CPVL: variants seen among roughly 807,000 people sequenced by gnomAD.
CPVL encodes the protein carboxypeptidase vitellogenic like, also known as probable serine carboxypeptidase CPVL.
Under a neutral mutation model 63.7 loss-of-function variants are expected in CPVL, and 51 were observed. The observed-to-expected ratio is 0.80, with a 90% CI of 0.64 to 1.01. CPVL has a LOEUF of 1.01. Ranked by LOEUF, CPVL falls within the 50% of genes least tolerant of loss-of-function variation. The pLI, the probability that CPVL is intolerant of heterozygous loss-of-function variation, is 0.00. For missense variants in CPVL, 530 were observed against 573.1 expected, an observed-to-expected ratio of 0.92 and a Z score of 0.77; for synonymous variants, 195 against 206.0, an observed-to-expected ratio of 0.95 and a Z score of 0.46.
chr7:29,120,380 C>T (rs544145221), intron 2 of CPVL, among the ~76,000 whole-genome samples: 1 of 152,016 alleles, frequency 6.6e-6, no homozygotes, highest in East Asian at 1.9e-4. Context: ...AGAGATTGCG[C>T]CACCGCACTC....
At chr7:29,188,006 A>C (rs1473048961) in intron 1 of CPVL, among the ~76,000 whole-genome samples, 1 of 152,216 alleles carries the variant, frequency 6.6e-6, no homozygotes, top group Admixed American at 6.5e-5. Context: ...TTATCTTCAA[A>C]GCCCAGGCCT....
chr7:29,033,260 C>T (rs1788209855), intron 11 of CPVL, among the ~76,000 whole-genome samples: 1 of 152,004 alleles, frequency 6.6e-6, no homozygotes. Flanking sequence ...TCTCATGAGC[C>T]CCTATAGGAA....
chr7:29,046,076 T>G (rs941940050), intron 11 of CPVL, among the ~76,000 whole-genome samples: 2 of 150,948 alleles, frequency 1.3e-5, no homozygotes, highest in Non-Finnish European at 2.9e-5. Flanking sequence ...ATTTCCTGAC[T>G]AGATGAACCT....
intron 7 of CPVL, among the ~76,000 whole-genome samples, chr7:29,075,147 G>A (rs1437559828): frequency 6.6e-6 from 1 of 152,100 alleles, no homozygotes; most frequent in African/African-American, 2.4e-5. Context: ...ACATGGAAGG[G>A]CATGTACTTT....
chr7:29,119,479 C>G (rs1226328613), intron 2 of CPVL, among the ~76,000 whole-genome samples: 5 of 105,852 alleles, frequency 4.7e-5, no homozygotes, highest in Non-Finnish European at 5.1e-5. Flanking sequence ...GAGCAAGATT[C>G]TGTCTCAAAA....
At chr7:29,075,469 T>C (rs1398676744) in intron 7 of CPVL, among the ~76,000 whole-genome samples, 1 of 148,404 alleles carries the variant, frequency 6.7e-6, no homozygotes, top group East Asian at 2.0e-4. Flanking sequence ...CTTTGTCATA[T>C]CTAATTGCAT....
At chr7:29,068,189 G>T (rs1347923592) in intron 9 of CPVL, among the ~76,000 whole-genome samples, 1 of 151,666 alleles carries the variant, frequency 6.6e-6, no homozygotes, top group Non-Finnish European at 1.5e-5. Context: ...TTGTGTGTGT[G>T]TATTTTTAAT....
Position 29,146,402 on chromosome 7 carries a change from G to A in CPVL, c.-11+27C>T, listed in dbSNP as rs116302767. 3.7e-3 allele frequency: 3,340 copies of A among 896,868 alleles called. 87 individuals are homozygous for A. The African/African-American group carries it at 0.051, about 14-fold the overall frequency. 55.6% of individuals were successfully genotyped at this position (896,868 alleles called of 1,614,324 possible). On this transcript the variant is annotated intron_variant, in intron 1 of 12. Transcript: ENST00000265394. ...AGGACCTGTCCCGCTGAGCTGGCAC[G>A]ACCCACGCAGGGCAGGCGGCACTTA... is the stretch of plus-strand genomic sequence containing the variant.
chr7:29,102,677 C>T (rs2128619757), intron 3 of CPVL, among the ~76,000 whole-genome samples: 1 of 152,150 alleles, frequency 6.6e-6, no homozygotes, highest in South Asian at 2.1e-4. Flanking sequence ...CAAACCTGGG[C>T]CCTTTATTGG....
chr7:29,088,501 C>T (rs759517988), intron 6 of CPVL, among the ~76,000 whole-genome samples: 66 of 151,956 alleles, frequency 4.3e-4, no homozygotes, highest in Non-Finnish European at 8.5e-4. Context: ...GGTAGCACTC[C>T]TGTTTCTTAA....
At chr7:29,067,186 G>C (rs1054628441) in intron 9 of CPVL, among the ~76,000 whole-genome samples, 1 of 152,198 alleles carries the variant, frequency 6.6e-6, no homozygotes, top group Non-Finnish European at 1.5e-5. Flanking sequence ...CAGCTAAGAT[G>C]AGGAGGAGAA....
chr7:29,020,155 T>C (rs943595767), intron 12 of CPVL, among the ~76,000 whole-genome samples: 3 of 152,128 alleles, frequency 2.0e-5, no homozygotes, highest in Admixed American at 6.5e-5. Flanking sequence ...GCAGGACACA[T>C]GTGGGATGCC....
chr7:29,112,817 C>G lies in CPVL; in HGVS notation c.175G>C (p.Glu59Gln), dbSNP rs770230527. Residue 59 changes from glutamate (E) to glutamine (Q), a missense_variant, in exon 3 of 13, where the codon GAA becomes CAA. By Grantham distance (29) the Glu-to-Gln change is conservative (BLOSUM62 2). Coordinates refer to ENST00000265394, the MANE Select transcript of CPVL (RefSeq NM_031311.5). ...GGGAAAGGGCCGACCAAACTCAATT[C>G]TCTTCCTAGTGGGGGAAAAAAAATT... ...IEAGKIQKGR[E>Q]LSLVGPFPGL... The G allele has an allele frequency of 5.6e-6, 9 of 1,609,672 alleles. No individual in the cohort carries two copies. Among genetic ancestry groups the G allele is most frequent in the African/African-American group, 1.3e-5 (1 of 74,104 alleles).
chr7:29,187,987 A>G (rs1410982514), intron 1 of CPVL, among the ~76,000 whole-genome samples: 2 of 152,224 alleles, frequency 1.3e-5, no homozygotes, highest in Non-Finnish European at 2.9e-5. Context: ...TTAGGATTTG[A>G]ACTCAGATTT....
chr7:29,001,937 T>C (rs142125948), intron 12 of CPVL, among the ~76,000 whole-genome samples: 331 of 152,116 alleles, frequency 2.2e-3, no homozygotes, highest in African/African-American at 3.0e-3. Context: ...CAGAAAACAA[T>C]AGAAGCTGAA....
At chr7:29,118,836 G>C (rs1789045599) in intron 2 of CPVL, among the ~76,000 whole-genome samples, 1 of 152,228 alleles carries the variant, frequency 6.6e-6, no homozygotes, top group East Asian at 1.9e-4. Context: ...CAACCTGCCA[G>C]CTTCACAGGC....
chr7:29,003,811 T>G (rs1784908530), intron 12 of CPVL, among the ~76,000 whole-genome samples: 1 of 152,096 alleles, frequency 6.6e-6, no homozygotes, highest in Non-Finnish European at 1.5e-5. Context: ...GGCATTAGAT[T>G]CTCATGAGAA....
chr7:29,140,128 T>G (rs191086038), intron 1 of CPVL, among the ~76,000 whole-genome samples: 1 of 152,248 alleles, frequency 6.6e-6, no homozygotes, highest in Non-Finnish European at 1.5e-5. Flanking sequence ...AACAATCACA[T>G]TTCTTGATCC....
At chr7:29,185,836 AT>A (rs1209570129) in intron 2 of CPVL, among the ~76,000 whole-genome samples, 1 of 152,244 alleles carries the variant, frequency 6.6e-6, no homozygotes, top group African/African-American at 2.4e-5. Context: ...GTGAATCTGC[AT>A]TTTAGCAAGA....
Sources: allele counts gnomAD v4.1 joint callset (sites outside exome capture counted in the v4.1 genomes callset), GRCh38; gene constraint gnomAD v4.1.1; transcripts MANE v1.5; gene names NCBI Gene and HGNC (gene_info 2026-07-23, HGNC 2026-07-21).